Variants in PDE9A observed in about 807,000 individuals in gnomAD.
PDE9A encodes the protein phosphodiesterase 9A.
Under a neutral mutation model 87.4 loss-of-function variants are expected in PDE9A, and 60 were observed. That is an observed-to-expected ratio of 0.69 (90% confidence interval 0.56 to 0.85). The LOEUF is 0.85. Ranked by LOEUF, PDE9A falls within the 40% of genes least tolerant of loss-of-function variation. The pLI is 0.00. For synonymous variants in PDE9A, 272 were observed against 279.4 expected (o/e 0.97, Z 0.27); for missense variants, 665 against 779.0 (o/e 0.85, Z 1.74).
intron 1 of PDE9A, 58 bp downstream of exon 1, chr21:42,653,941 G>T: frequency 4.9e-6 from 5 of 1,022,664 alleles, no homozygotes; most frequent in Non-Finnish European, 7.2e-6. Flanking sequence ...CGCCGGGGCC[G>T]GGCGCGGCGG....
intron 13 of PDE9A, 115 bp downstream of exon 13, chr21:42,761,022 C>T (rs1395734028): frequency 4.1e-6 from 3 of 728,288 alleles, no homozygotes; most frequent in Non-Finnish European, 7.4e-6. Context: ...CGACGGCCTC[C>T]CAGCCCCCAA....
At chr21:42,724,663 T>A in intron 4 of PDE9A, 1 of 875,718 alleles carries the variant, frequency 1.1e-6, no homozygotes, top group Non-Finnish European at 1.4e-6. Context: ...GCAGTGCCCC[T>A]GGAGTGTTCT....
chr21:42,703,999 C>T (rs548152462), intron 4 of PDE9A, among the ~76,000 whole-genome samples: 166 of 152,340 alleles, frequency 1.1e-3, no homozygotes, highest in African/African-American at 3.8e-3. Flanking sequence ...CAGGAGCATT[C>T]GGCCCAGGCT....
chr21:42,678,043 A>G (rs542365514), intron 1 of PDE9A, among the ~76,000 whole-genome samples: 42 of 152,370 alleles, frequency 2.8e-4, no homozygotes, highest in African/African-American at 9.9e-4. Flanking sequence ...CTTTGTGCCA[A>G]TCCAAACTAG....
At chr21:42,767,107 G>A (rs1047922166) in intron 15 of PDE9A, among the ~76,000 whole-genome samples, 2 of 152,036 alleles carry the variant, frequency 1.3e-5, no homozygotes, top group Non-Finnish European at 2.9e-5. Context: ...CACTGCTACG[G>A]AGCCCCAGAC....
At chr21:42,730,336 G>T (rs1396600411) in intron 4 of PDE9A, among the ~76,000 whole-genome samples, 1 of 152,142 alleles carries the variant, frequency 6.6e-6, no homozygotes, top group African/African-American at 2.4e-5. Flanking sequence ...TCAAGTCATA[G>T]AATGCTAAAG....
Position 42,723,610 on chromosome 21 carries a change from G to A in PDE9A, c.263-8160G>A, listed in dbSNP as rs562032077. Among the ~76,000 whole-genome samples the A allele has an allele frequency of 6.6e-6, 1 of 152,178 alleles. No individual in the cohort carries two copies. Among genetic ancestry groups the A allele is most frequent in the African/African-American group, 2.4e-5 (1 of 41,432 alleles). On this transcript the variant is annotated intron_variant, in intron 4 of 19. Transcript: ENST00000291539. The surrounding 1 kb of genome is among the most constrained non-coding windows in gnomAD (Gnocchi z 4.3). ...TCCACTCTAGCATGCAGACTCGGGG[G>A]CACTTTTAGATATTCTATTGGTTGT...
chr21:42,765,725 T>C (rs1030224414), intron 15 of PDE9A: 10 of 514,028 alleles, frequency 1.9e-5, no homozygotes, highest in Non-Finnish European at 3.2e-5. Flanking sequence ...CATTCCTCCA[T>C]CTCTTTTGGA....
chr21:42,748,154 T>C (rs2054061051), intron 8 of PDE9A, among the ~76,000 whole-genome samples: 4 of 152,248 alleles, frequency 2.6e-5, no homozygotes, highest in Admixed American at 2.6e-4. Flanking sequence ...AGACAGCACA[T>C]GTGCGAATGT....
chr21:42,659,144 AG>A lies in PDE9A; in HGVS notation c.69+5264del, dbSNP rs997573828. Among the ~76,000 whole-genome samples, 1 of 152,190 alleles carries A rather than the reference AG, an allele frequency of 6.6e-6. No individual in the cohort carries two copies. The highest frequency in any genetic ancestry group is 1.5e-5 in the Non-Finnish European group (1 of 68,038). ...CTGGGCCCTTCCCAATTTTAGCCCAAGGGTGCCGAAAAGTCAGGGAGCTGCT... is the reference window on the plus strand; with the variant it reads ...CTGGGCCCTTCCCAATTTTAGCCCAAGGTGCCGAAAAGTCAGGGAGCTGCT... On this transcript the variant is annotated intron_variant, in intron 1 of 19. Transcript: ENST00000291539. This position sits in a 1 kb window ranked among gnomAD's most constrained non-coding sequence, Gnocchi z 4.1.
At chr21:42,712,891 T>C (rs2049479990) in intron 4 of PDE9A, among the ~76,000 whole-genome samples, 1 of 152,230 alleles carries the variant, frequency 6.6e-6, no homozygotes, top group Non-Finnish European at 1.5e-5. Context: ...AGCATACATA[T>C]GGTTTTTCTG....
chr21:42,756,775 C>G (rs985231883), intron 10 of PDE9A: 10 of 152,570 alleles, frequency 6.6e-5, no homozygotes, highest in African/African-American at 2.4e-4. Flanking sequence ...AGACCACGAC[C>G]TGCCGCCACA....
At chr21:42,758,746 C>T (rs1163330000) in intron 10 of PDE9A, 1 of 447,548 alleles carries the variant, frequency 2.2e-6, no homozygotes, top group East Asian at 3.9e-5. Context: ...GCCCCAGGAT[C>T]CACCTGCCAG....
intron 10 of PDE9A, among the ~76,000 whole-genome samples, chr21:42,756,104 A>C (rs966649605): frequency 3.9e-5 from 6 of 152,194 alleles, no homozygotes; most frequent in Non-Finnish European, 8.8e-5. Context: ...CGGCAGCTGG[A>C]CTCAGCCTCT....
intron 4 of PDE9A, among the ~76,000 whole-genome samples, chr21:42,715,649 G>T (rs934647781): frequency 6.6e-6 from 1 of 151,598 alleles, no homozygotes; most frequent in East Asian, 1.9e-4. Flanking sequence ...CTGTACATTG[G>T]TTACAATCAG....
At chr21:42,672,192 G>A (rs1282685160) in intron 1 of PDE9A, among the ~76,000 whole-genome samples, 4 of 152,224 alleles carry the variant, frequency 2.6e-5, no homozygotes, top group African/African-American at 4.8e-5. Flanking sequence ...TGCACATCCC[G>A]TTATGGCCAC....
chr21:42,764,857 G>A (rs1038061427), intron 14 of PDE9A, among the ~76,000 whole-genome samples: 2 of 152,160 alleles, frequency 1.3e-5, no homozygotes, highest in Non-Finnish European at 2.9e-5. Flanking sequence ...TATATATACA[G>A]TTGAAATGAC....
Position 42,765,371 on chromosome 21 carries a change from C to T in PDE9A, c.1243-10C>T, listed in dbSNP as rs548383925. ...TACCCGTGTTAACACGTTGTTCTCT[C>T]GCTATTTAGGGAATGATCACATTAA... is the stretch of plus-strand genomic sequence containing the variant. On this transcript the variant is annotated splice_polypyrimidine_tract_variant and intron_variant, in intron 14 of 19. Coordinates refer to ENST00000291539, the MANE Select transcript of PDE9A (RefSeq NM_002606.3). The T allele has an allele frequency of 4.0e-6, 6 of 1,516,384 alleles. No homozygotes were observed. The highest frequency in any genetic ancestry group is 2.3e-5 in the East Asian group (1 of 44,288). The allele number at this position is 1,516,384 out of a possible 1,614,324, so 93.9% of individuals were successfully genotyped here.
intron 1 of PDE9A, among the ~76,000 whole-genome samples, chr21:42,662,865 C>T (rs1037273225): frequency 2.7e-5 from 4 of 146,056 alleles, no homozygotes; most frequent in African/African-American, 5.2e-5. Flanking sequence ...ACATCACACA[C>T]GTACACACCA....
Sources: gnomAD v4.1 joint callset for allele counts (sites outside exome capture counted in the v4.1 genomes callset) on GRCh38, gnomAD v4.1.1 for gene constraint, Gnocchi (gnomAD v3.1) non-coding constraint, MANE v1.5 for transcripts, NCBI Gene and HGNC (gene_info 2026-07-23, HGNC 2026-07-21) for gene names.